Variants in GLCE observed in about 807,000 individuals in gnomAD.
GLCE encodes the protein glucuronic acid epimerase.
GLCE carries 19 observed loss-of-function variants against 47.9 expected under a neutral mutation model. The observed-to-expected ratio is 0.40, with a 90% confidence interval of 0.28 to 0.58. The LOEUF (loss-of-function observed/expected upper bound fraction) is 0.58. Among genes scored for constraint, GLCE ranks in the 20% least tolerant of loss-of-function variants. GLCE has a pLI of 0.48. For synonymous variants in GLCE, 245 were observed against 263.4 expected (o/e 0.93, Z 0.68); for missense variants, 556 against 743.3 (o/e 0.75, Z 2.93).
chr15:69,177,547 A>G (rs1335809264), intron 1 of GLCE, among the ~76,000 whole-genome samples: 1 of 152,212 alleles, frequency 6.6e-6, no homozygotes, highest in African/African-American at 2.4e-5. Context: ...TATACCTGTG[A>G]AATCATTACC....
chr15:69,190,862 G>T (rs1262221795), intron 1 of GLCE, among the ~76,000 whole-genome samples: 3 of 151,564 alleles, frequency 2.0e-5, no homozygotes, highest in African/African-American at 7.3e-5. Context: ...TCTTTTCTTG[G>T]CATTCTTTTG....
intron 2 of GLCE, among the ~76,000 whole-genome samples, chr15:69,252,813 C>T (rs564583288): frequency 2.6e-5 from 4 of 151,724 alleles, no homozygotes; most frequent in Admixed American, 2.0e-4. Context: ...TATCAGTTTG[C>T]CCCCACTGCA....
chr15:69,190,320 G>A (rs1354547022), intron 1 of GLCE, among the ~76,000 whole-genome samples: 1 of 151,914 alleles, frequency 6.6e-6, no homozygotes, highest in Non-Finnish European at 1.5e-5. Flanking sequence ...GGTTGCTAGT[G>A]GTGTTCAAGT....
In GLCE at chr15:69,238,076, T is replaced by TA. The variant is rs1457325764; in HGVS notation, c.-13-17711dup. Among the ~76,000 whole-genome samples, 7 of 152,330 alleles carry TA rather than the reference T, an allele frequency of 4.6e-5. No homozygotes were observed. The South Asian group carries it at 6.2e-4, about 14-fold the overall frequency. On this transcript the variant is annotated intron_variant, in intron 2 of 4. Coordinates refer to ENST00000261858, the MANE Select transcript of GLCE (RefSeq NM_015554.3). ...TGGATACAAAGCATCTCTTTGCTGT[T>TA]AAAAAAACATTCCTGTCTCACTTTT...
chr15:69,166,535 A>G (rs2051504102), intron 1 of GLCE, among the ~76,000 whole-genome samples: 1 of 152,212 alleles, frequency 6.6e-6, no homozygotes, highest in African/African-American at 2.4e-5. Context: ...CACACATGCA[A>G]GAGTGGTGGA....
chr15:69,255,066 A>G (rs56103869), intron 2 of GLCE, among the ~76,000 whole-genome samples: 5,511 of 152,270 alleles, frequency 0.036, 329 homozygotes, highest in African/African-American at 0.13. Flanking sequence ...GGAAAGAGCC[A>G]TTGACTATTT....
chr15:69,229,925 T>C (rs980532617), intron 2 of GLCE, among the ~76,000 whole-genome samples: 20 of 151,982 alleles, frequency 1.3e-4, no homozygotes, highest in African/African-American at 4.6e-4. Flanking sequence ...AGTAAACAGC[T>C]GAGGCTGGGT....
chr15:69,212,056 A>G (rs2052240385), intron 2 of GLCE, among the ~76,000 whole-genome samples: 1 of 151,860 alleles, frequency 6.6e-6, no homozygotes, highest in Non-Finnish European at 1.5e-5. Context: ...GTGCTTATAC[A>G]TTTGAGTTAT....
intron 1 of GLCE, among the ~76,000 whole-genome samples, chr15:69,164,414 C>T (rs1472221262): frequency 6.6e-6 from 1 of 151,258 alleles, no homozygotes; most frequent in East Asian, 1.9e-4. Context: ...TCTTTCAGGG[C>T]CCCAGTTTTC....
intron 2 of GLCE, among the ~76,000 whole-genome samples, chr15:69,241,414 C>T (rs2052669663): frequency 6.6e-6 from 1 of 152,100 alleles, no homozygotes; most frequent in Non-Finnish European, 1.5e-5. Context: ...CAGGCAAAAG[C>T]CAAAACTTAC....
At chr15:69,165,693 C>G (rs1489390389) in intron 1 of GLCE, among the ~76,000 whole-genome samples, 1 of 152,026 alleles carries the variant, frequency 6.6e-6, no homozygotes. Context: ...TCTCTTTCCT[C>G]CTGGACTCAA....
At chr15:69,218,891 G>A (rs1409665634) in intron 2 of GLCE, among the ~76,000 whole-genome samples, 3 of 152,122 alleles carry the variant, frequency 2.0e-5, no homozygotes, top group Non-Finnish European at 4.4e-5. Flanking sequence ...CACTGCAAAT[G>A]TAACTTTCTG....
At position 69,269,133 on chromosome 15, in the gene GLCE, C is replaced by T; in HGVS notation, c.1743C>T (p.Thr581=). The T allele has an allele frequency of 6.2e-7, 1 of 1,613,880 alleles. No homozygotes were observed. Among genetic ancestry groups the T allele is most frequent in the Admixed American group, 1.7e-5 (1 of 60,012 alleles). The change falls in exon 5 of 5, where the codon ACC becomes ACT. Residue 581 remains threonine (T), a synonymous_variant. Transcript: ENST00000261858. The stretch of plus-strand genomic sequence containing the variant: ...TGGCTCGCTGGGACTATCATACCAC[C>T]CACATCAATCAGTTGCAGCTACTCA... ...PNLARWDYHT[T]HINQLQLLST...
intron 2 of GLCE, among the ~76,000 whole-genome samples, chr15:69,243,127 G>A (rs1312452120): frequency 8.6e-5 from 13 of 151,492 alleles, no homozygotes; most frequent in Non-Finnish European, 1.8e-4. Context: ...AAGAAAACTG[G>A]AATTGCTTTG....
intron 2 of GLCE, among the ~76,000 whole-genome samples, chr15:69,235,090 A>AATCTTTT (rs1163529945): frequency 4.8e-5 from 4 of 82,512 alleles, no homozygotes; most frequent in African/African-American, 1.7e-4. Flanking sequence ...GATGAAGATT[A>AATCTTTT]TTCTTTTTTT....
intron 2 of GLCE, among the ~76,000 whole-genome samples, chr15:69,228,098 T>G (rs753520860): frequency 2.0e-5 from 3 of 152,212 alleles, no homozygotes; most frequent in African/African-American, 7.2e-5. Context: ...ATTATGTTCT[T>G]TCTCTACTGA....
At chr15:69,185,386 T>TAGTAATTTG (rs1595742513) in intron 1 of GLCE, among the ~76,000 whole-genome samples, 1 of 152,166 alleles carries the variant, frequency 6.6e-6, no homozygotes, top group East Asian at 1.9e-4. Context: ...ATAGAAACTT[T>TAGTAATTTG]AGTAATTTGA....
chr15:69,183,867 A>G (rs910526194), intron 1 of GLCE, among the ~76,000 whole-genome samples: 30 of 152,340 alleles, frequency 2.0e-4, no homozygotes, highest in Non-Finnish European at 4.0e-4. Flanking sequence ...GGGAAAACAC[A>G]TAACACTTGA....
In GLCE at chr15:69,161,160, G is replaced by GC. The variant is rs2051413190; in HGVS notation, c.-105+404dup. 3.3e-5 allele frequency among the ~76,000 whole-genome samples: 5 copies of GC among 152,194 alleles called. No individual in the cohort carries two copies. The South Asian group carries it at 1.0e-3, about 32-fold the overall frequency. ...AGGGGTCTTTTTACCCGGGTCCCGAGCTCTTTGGGGCAGAGAATGCAGTTT... is the reference window on the plus strand; with the variant it reads ...AGGGGTCTTTTTACCCGGGTCCCGAGCCTCTTTGGGGCAGAGAATGCAGTTT... On this transcript the variant is annotated intron_variant, in intron 1 of 4. Transcript: ENST00000261858.
Sources: gnomAD v4.1 joint callset for allele counts (sites outside exome capture counted in the v4.1 genomes callset) on GRCh38, gnomAD v4.1.1 for gene constraint, MANE v1.5 for transcripts, NCBI Gene and HGNC (gene_info 2026-07-23, HGNC 2026-07-21) for gene names.